The following CDH13 variants were observed in gnomAD, a reference collection of about 807,000 sequenced individuals.
CDH13 encodes the protein cadherin-13.
Under a neutral mutation model 63.8 loss-of-function variants are expected in CDH13, and 24 were observed. The ratio of observed to expected loss-of-function variants is 0.38; its 90% CI spans 0.27 to 0.53. The LOEUF (loss-of-function observed/expected upper bound fraction) is 0.53. CDH13 is among the 20% of genes least tolerant of loss of function. The pLI is 0.85. For missense variants in CDH13, 1,049 were observed against 903.1 expected (o/e 1.16, Z -2.07); for synonymous variants, 503 against 355.3 (o/e 1.42, Z -4.67).
intron 6 of CDH13, among the ~76,000 whole-genome samples, chr16:83,427,489 C>T (rs151269746): frequency 2.6e-5 from 4 of 152,190 alleles, no homozygotes; most frequent in African/African-American, 7.2e-5. Context: ...ACCAGCCCCA[C>T]TAACACCTTG....
At chr16:83,253,615 G>T (rs1905855729) in intron 5 of CDH13, among the ~76,000 whole-genome samples, 1 of 152,196 alleles carries the variant, frequency 6.6e-6, no homozygotes, top group African/African-American at 2.4e-5. Context: ...AAGCCTGGTT[G>T]CCCTCCAGGT....
chr16:83,680,307 CA>C (rs1915301385), intron 10 of CDH13, among the ~76,000 whole-genome samples: 1 of 152,190 alleles, frequency 6.6e-6, no homozygotes, highest in Admixed American at 6.5e-5. Context: ...CTGCTCCAGG[CA>C]CCTTGGCTAG....
intron 6 of CDH13, among the ~76,000 whole-genome samples, chr16:83,466,150 G>C (rs1229378867): frequency 6.6e-6 from 1 of 152,180 alleles, no homozygotes; most frequent in African/African-American, 2.4e-5. Flanking sequence ...CGTCCTAGCT[G>C]GGAGCCACGT....
chr16:83,322,301 C>A (rs1273440402), intron 5 of CDH13, among the ~76,000 whole-genome samples: 2 of 152,140 alleles, frequency 1.3e-5, no homozygotes, highest in East Asian at 3.9e-4. Context: ...AGCGTGTGCA[C>A]CCTGCAGTGA....
At chr16:83,071,430 T>C (rs2032430173) in intron 3 of CDH13, among the ~76,000 whole-genome samples, 1 of 152,192 alleles carries the variant, frequency 6.6e-6, no homozygotes, top group Non-Finnish European at 1.5e-5. Context: ...TGCTCCTGAC[T>C]ACCATGTAGC....
chr16:83,186,225 G>A (rs982772243), intron 4 of CDH13, among the ~76,000 whole-genome samples: 2 of 151,490 alleles, frequency 1.3e-5, no homozygotes, highest in East Asian at 1.9e-4. Context: ...GCCAACCTCC[G>A]CCTCCTGGGT....
chr16:83,554,359 A>C (rs1037086423), intron 7 of CDH13, among the ~76,000 whole-genome samples: 1 of 152,196 alleles, frequency 6.6e-6, no homozygotes, highest in African/African-American at 2.4e-5. Context: ...ATAGGAAAAC[A>C]AAACATTTCA....
chr16:83,426,675 A>G (rs115812831), intron 6 of CDH13, among the ~76,000 whole-genome samples: 2,346 of 152,192 alleles, frequency 0.015, 66 homozygotes, highest in African/African-American at 0.054. Context: ...TAGTCTGCCT[A>G]CATGGTGCTT....
chr16:83,230,441 C>T (rs2039970209), intron 5 of CDH13, among the ~76,000 whole-genome samples: 1 of 152,092 alleles, frequency 6.6e-6, no homozygotes, highest in Non-Finnish European at 1.5e-5. Flanking sequence ...CCTGCCTGAC[C>T]ACCCCCGCAA....
intron 1 of CDH13, among the ~76,000 whole-genome samples, chr16:82,782,696 C>T (rs975434488): frequency 2.0e-5 from 3 of 152,132 alleles, no homozygotes; most frequent in African/African-American, 7.2e-5. Flanking sequence ...ACATCTTTGA[C>T]CAAAAACAAA....
chr16:82,985,139 A>G (rs1162446916), intron 2 of CDH13, among the ~76,000 whole-genome samples: 1 of 151,482 alleles, frequency 6.6e-6, no homozygotes, highest in Admixed American at 6.6e-5. Context: ...AGTGTTGAAA[A>G]GGAATCCTTA....
chr16:83,465,148 C>T (rs1447370053), intron 6 of CDH13, among the ~76,000 whole-genome samples: 1 of 152,146 alleles, frequency 6.6e-6, no homozygotes, highest in African/African-American at 2.4e-5. Flanking sequence ...ACGAGCTAAA[C>T]AAATGAATTT....
chr16:83,461,391 T>A (rs901816501), intron 6 of CDH13, among the ~76,000 whole-genome samples: 4 of 152,138 alleles, frequency 2.6e-5, no homozygotes, highest in African/African-American at 9.7e-5. Context: ...ATGATGATGA[T>A]TGAATCAGGT....
intron 4 of CDH13, among the ~76,000 whole-genome samples, chr16:83,187,583 G>C (rs888711924): frequency 2.6e-5 from 4 of 151,922 alleles, no homozygotes; most frequent in Non-Finnish European, 4.4e-5. Flanking sequence ...TTTTTGATGG[G>C]AGAAGCTGTT....
chr16:83,634,959 C>G (rs1257018193), intron 8 of CDH13, among the ~76,000 whole-genome samples: 1 of 152,166 alleles, frequency 6.6e-6, no homozygotes, highest in Non-Finnish European at 1.5e-5. Flanking sequence ...GCTGCTGGAT[C>G]ATATATTAAG....
chr16:83,778,604 T>A (rs542166067), intron 11 of CDH13, among the ~76,000 whole-genome samples: 75 of 151,490 alleles, frequency 5.0e-4, no homozygotes, highest in African/African-American at 1.7e-3. Flanking sequence ...TTTCCTAAAA[T>A]GAAAAACATT....
chr16:83,087,216 T>C (rs1458015518), intron 3 of CDH13, among the ~76,000 whole-genome samples: 1 of 152,174 alleles, frequency 6.6e-6, no homozygotes, highest in African/African-American at 2.4e-5. Context: ...AGGAAACTGA[T>C]CAATGACTTA....
At chr16:82,701,223 C>T (rs983233276) in intron 1 of CDH13, among the ~76,000 whole-genome samples, 5 of 152,132 alleles carry the variant, frequency 3.3e-5, no homozygotes, top group Admixed American at 3.3e-4. Flanking sequence ...AAATATTTCT[C>T]AAATCCACAT....
At chr16:82,758,523 G>A (rs1286967900) in intron 1 of CDH13, among the ~76,000 whole-genome samples, 2 of 151,948 alleles carry the variant, frequency 1.3e-5, no homozygotes, top group Non-Finnish European at 2.9e-5. Flanking sequence ...TGAGGGAGAA[G>A]CTGATTGAGC....
Sources: allele counts gnomAD v4.1 joint callset (sites outside exome capture counted in the v4.1 genomes callset), GRCh38; gene constraint gnomAD v4.1.1; transcripts MANE v1.5; gene names NCBI Gene and HGNC (gene_info 2026-07-23, HGNC 2026-07-21).